Variants in CACNA1B observed in about 807,000 individuals in gnomAD.
CACNA1B encodes voltage-dependent N-type calcium channel subunit alpha-1B.
CACNA1B carries 70 observed loss-of-function variants against 247.2 expected under a neutral mutation model. That is an observed-to-expected ratio of 0.28 (90% CI 0.23 to 0.35). The LOEUF (loss-of-function observed/expected upper bound fraction) is 0.35. Among genes scored for constraint, CACNA1B ranks in the 10% least tolerant of loss-of-function variants. The pLI is 1.00. For synonymous variants in CACNA1B, 1,231 were observed against 1,294.4 expected (o/e 0.95, Z 1.05); for missense variants, 2,367 against 3,197.4 (o/e 0.74, Z 6.26).
intron 39 of CACNA1B, among the ~76,000 whole-genome samples, chr9:138,106,963 G>A (rs926810779): frequency 2.0e-5 from 3 of 152,096 alleles, no homozygotes; most frequent in African/African-American, 7.2e-5. Flanking sequence ...CAGCTCATGG[G>A]CTGTCCATGG....
rs139806187 is a variant in CACNA1B, at chr9:137,945,362, C to T, written c.967-6912C>T. 5.6e-4 allele frequency among the ~76,000 whole-genome samples: 86 copies of T among 152,264 alleles called. 2 individuals carry two copies. Among genetic ancestry groups the T allele is most frequent in the African/African-American group, 1.9e-3 (77 of 41,538 alleles). Reference sequence around the variant, plus strand: ...TGACCCAGATTTTACCTGGGGTGGCCATCTGGAAAAACTCTGGGTCTTGTC... The same window carrying T: ...TGACCCAGATTTTACCTGGGGTGGCTATCTGGAAAAACTCTGGGTCTTGTC... On this transcript the variant is annotated intron_variant, in intron 6 of 46. Transcript: ENST00000371372.
rs75328421 is a variant in CACNA1B, at chr9:137,892,165, G to A, written c.530+9282G>A. The A allele has an allele frequency of 2.2e-3, 1,018 of 456,886 alleles. 2 individuals are homozygous for A. Among genetic ancestry groups the A allele is most frequent in the Non-Finnish European group, 3.4e-3 (783 of 227,030 alleles). 28.3% of individuals were successfully genotyped at this position (456,886 alleles called of 1,614,324 possible). On this transcript the variant is annotated intron_variant, in intron 3 of 46. Transcript: ENST00000371372. ...TACTGACAGGCTCATTCCCTTGAAC[G>A]ACTGGACACTGGTCTGCTGGGGAGG...
rs987524172 is a variant in CACNA1B, at chr9:137,900,598, G to T, written c.531-12582G>T. 8.0e-5 allele frequency among the ~76,000 whole-genome samples: 12 copies of T among 149,836 alleles called. No individual in the cohort carries two copies. In the East Asian group the frequency reaches 2.4e-3, roughly 30 times the overall value. ...TCTCTGTGTCCGTGTGTCCATGTCTGTGCCGTGTGTCTCTGTGTCTGTGTA... is the reference window on the plus strand; with the variant it reads ...TCTCTGTGTCCGTGTGTCCATGTCTTTGCCGTGTGTCTCTGTGTCTGTGTA... On this transcript the variant is annotated intron_variant, in intron 3 of 46. Transcript: ENST00000371372.
chr9:137,900,633 CTGTGTCTG>C (rs1365046845), intron 3 of CACNA1B, among the ~76,000 whole-genome samples: 1 of 146,902 alleles, frequency 6.8e-6, no homozygotes, highest in Non-Finnish European at 1.5e-5. Context: ...ATGTGTGTCT[CTGTGTCTG>C]TGTGTCTGTG....
At position 138,120,623 on chromosome 9, in the gene CACNA1B, C is replaced by A; in HGVS notation, c.6239-8C>A. 1 of 1,488,534 alleles carries A rather than the reference C, an allele frequency of 6.7e-7. No individual in the cohort carries two copies. The highest frequency in any genetic ancestry group is 2.4e-5 in the East Asian group (1 of 41,258). The allele number at this position is 1,488,534 out of a possible 1,614,324, so 92.2% of individuals were successfully genotyped here. A position where few individuals can be genotyped will look rare whatever the true frequency, so the allele number is the denominator to read the frequency against. On this transcript the variant is annotated splice_polypyrimidine_tract_variant and splice_region_variant and intron_variant, in intron 45 of 46. Transcript: ENST00000371372. ...TGGCCGTGCTAACTTCTTCTCTTCC[C>A]TGGCCAGCACCAAGCAGTGCTGTGG...
Position 138,051,447 on chromosome 9 carries a change from A to G in CACNA1B, c.3711-645A>G, listed in dbSNP as rs150743717. The stretch of plus-strand genomic sequence containing the variant: ...GGGTAGCATTGATATGTCTGTCTCT[A>G]TGGCTCTCCCTCCCTCCCTCCCTCC... On this transcript the variant is annotated intron_variant, in intron 24 of 46. Coordinates refer to ENST00000371372, the MANE Select transcript of CACNA1B (RefSeq NM_000718.4). This position sits in a 1 kb window ranked among gnomAD's most constrained non-coding sequence, Gnocchi z 4.3. Among the ~76,000 whole-genome samples the G allele has an allele frequency of 0.01, 1,543 of 148,372 alleles. 21 individuals are homozygous for G. The highest frequency in any genetic ancestry group is 0.037 in the African/African-American group (1,476 of 39,842).
chr9:137,945,963 C>A (rs778382028), intron 6 of CACNA1B, among the ~76,000 whole-genome samples: 1 of 152,236 alleles, frequency 6.6e-6, no homozygotes, highest in East Asian at 1.9e-4. Context: ...GGACAACAGG[C>A]GTGCATCACT....
chr9:138,013,375 C>G (rs901377974), intron 18 of CACNA1B, 140 bp downstream of exon 18: 3 of 607,940 alleles, frequency 4.9e-6, no homozygotes, highest in African/African-American at 3.8e-5. Flanking sequence ...AGCCCCTCCT[C>G]GGAACTGGGA....
At chr9:137,987,206 A>G (rs2133383894) in intron 15 of CACNA1B, among the ~76,000 whole-genome samples, 1 of 152,262 alleles carries the variant, frequency 6.6e-6, no homozygotes, top group African/African-American at 2.4e-5. Flanking sequence ...AACAAAAACA[A>G]AGCACTTCCT....
chr9:137,936,235 G>C (rs1236339784), intron 6 of CACNA1B, among the ~76,000 whole-genome samples: 2 of 152,302 alleles, frequency 1.3e-5, no homozygotes, highest in East Asian at 3.9e-4. Flanking sequence ...GCATTTCTCT[G>C]ATGACCAGTG....
intron 12 of CACNA1B, among the ~76,000 whole-genome samples, chr9:137,978,029 G>A (rs1426291972): frequency 6.8e-6 from 1 of 146,804 alleles, no homozygotes; most frequent in East Asian, 2.1e-4. Context: ...CCAGGAAGGA[G>A]TGAAGGGTGG....
chr9:138,097,306 G>C (rs1589126202), intron 37 of CACNA1B, among the ~76,000 whole-genome samples: 2 of 152,162 alleles, frequency 1.3e-5, no homozygotes, highest in African/African-American at 4.8e-5. Context: ...GTCGCATGAA[G>C]GGCATGGTTT....
chr9:137,882,631 C>A lies in CACNA1B; in HGVS notation c.391-113C>A. 1.6e-6 allele frequency: 2 copies of A among 1,248,460 alleles called. No homozygotes were observed. Among genetic ancestry groups the A allele is most frequent in the Non-Finnish European group, 2.3e-6 (2 of 878,510 alleles). 77.3% of individuals were successfully genotyped at this position (1,248,460 alleles called of 1,614,324 possible). A position where few individuals can be genotyped will look rare whatever the true frequency, so the allele number is the denominator to read the frequency against. On this transcript the variant is annotated intron_variant, in intron 2 of 46. Coordinates refer to ENST00000371372, the MANE Select transcript of CACNA1B (RefSeq NM_000718.4). The surrounding 1 kb of genome is among the most constrained non-coding windows in gnomAD (Gnocchi z 4.0). ...GGGGGCAAGGTGAGGAGGGTCAGACCCTCACGATAGCTGTGGCCTGCACAT... is the reference window on the plus strand; with the variant it reads ...GGGGGCAAGGTGAGGAGGGTCAGACACTCACGATAGCTGTGGCCTGCACAT...
chr9:137,946,503 C>T (rs1957798073), intron 6 of CACNA1B, among the ~76,000 whole-genome samples: 1 of 152,104 alleles, frequency 6.6e-6, no homozygotes, highest in East Asian at 1.9e-4. Context: ...GGCAGCTATC[C>T]CTATCATTCC....
chr9:137,986,747 G>T lies in CACNA1B; in HGVS notation c.1902-35G>T, dbSNP rs746870273. The T allele has an allele frequency of 6.4e-7, 1 of 1,569,578 alleles. No homozygotes were observed. ...GCAGGCGCTGCCTCGCTGCTGACGG[G>T]ACTGCCACTTCCCAAGCCTTCCTGT... On this transcript the variant is annotated intron_variant, in intron 14 of 46. Transcript: ENST00000371372. This position sits in a 1 kb window ranked among gnomAD's most constrained non-coding sequence, Gnocchi z 6.0.
intron 2 of CACNA1B, 58 bp downstream of exon 2, chr9:137,879,217 C>T (rs1956883414): frequency 9.0e-7 from 1 of 1,110,830 alleles, no homozygotes. Flanking sequence ...CTCCACTTTC[C>T]TTTATGGTCT....
chr9:137,881,723 T>G lies in CACNA1B; in HGVS notation c.391-1021T>G, dbSNP rs1407748678. On this transcript the variant is annotated intron_variant, in intron 2 of 46. Transcript: ENST00000371372. This position sits in a 1 kb window ranked among gnomAD's most constrained non-coding sequence, Gnocchi z 4.3. ...GTGCTCACGAGGAGTCTTTGGGGTCTCCCTAAGCTCCACACAGCCCCATCT... is the reference window on the plus strand; with the variant it reads ...GTGCTCACGAGGAGTCTTTGGGGTCGCCCTAAGCTCCACACAGCCCCATCT... Among the ~76,000 whole-genome samples the G allele has an allele frequency of 6.6e-6, 1 of 152,192 alleles. No individual in the cohort carries two copies. Among genetic ancestry groups the G allele is most frequent in the Non-Finnish European group, 1.5e-5 (1 of 68,024 alleles).
rs1456769880 is a variant in CACNA1B at position 137,954,355 on chromosome 9, C to A, written c.1071-1343C>A. Among the ~76,000 whole-genome samples, 1 of 152,226 alleles carries A rather than the reference C, an allele frequency of 6.6e-6. No homozygotes were observed. Among genetic ancestry groups the A allele is most frequent in the Admixed American group, 6.5e-5 (1 of 15,292 alleles). On this transcript the variant is annotated intron_variant, in intron 7 of 46. Coordinates refer to ENST00000371372, the MANE Select transcript of CACNA1B (RefSeq NM_000718.4). The surrounding 1 kb of genome is among the most constrained non-coding windows in gnomAD (Gnocchi z 4.1). ...GGCATCTCTCTCTCCATTCCCAGAGCTCCCATCCTCACAGCATCCCAGAGA... is the reference window on the plus strand; with the variant it reads ...GGCATCTCTCTCTCCATTCCCAGAGATCCCATCCTCACAGCATCCCAGAGA...
intron 39 of CACNA1B, among the ~76,000 whole-genome samples, 168 bp downstream of exon 39, chr9:138,105,975 C>T (rs1027804977): frequency 1.3e-5 from 2 of 152,172 alleles, no homozygotes; most frequent in African/African-American, 2.4e-5. Flanking sequence ...CTGGCTTTTT[C>T]GCCTGGTAAC....
Sources: allele counts gnomAD v4.1 joint callset (sites outside exome capture counted in the v4.1 genomes callset), GRCh38; gene constraint gnomAD v4.1.1; non-coding constraint Gnocchi (gnomAD v3.1); transcripts MANE v1.5; gene names NCBI Gene and HGNC (gene_info 2026-07-23, HGNC 2026-07-21).